Variants in MGAT5 observed in about 807,000 individuals in gnomAD.
MGAT5 encodes alpha-1,6-mannosylglycoprotein 6-beta-N-acetylglucosaminyltransferase A.
Under a neutral mutation model 94.3 loss-of-function variants are expected in MGAT5, and 30 were observed. The observed-to-expected ratio is 0.32, with a 90% CI of 0.24 to 0.43. MGAT5 has a LOEUF of 0.43. MGAT5 is among the 20% of genes least tolerant of loss of function. The pLI is 1.00. For synonymous variants in MGAT5, 310 were observed against 322.9 expected, an observed-to-expected ratio of 0.96 and a Z score of 0.43; for missense variants, 691 against 905.5, an observed-to-expected ratio of 0.76 and a Z score of 3.04.
intron 10 of MGAT5, among the ~76,000 whole-genome samples, chr2:134,372,732 T>A (rs1434827210): frequency 6.6e-6 from 1 of 152,208 alleles, no homozygotes; most frequent in African/African-American, 2.4e-5. Context: ...GTTTTCTTGG[T>A]GCCCCCGCAT....
intron 11 of MGAT5, among the ~76,000 whole-genome samples, chr2:134,410,266 T>C (rs1365135863): frequency 6.6e-6 from 1 of 152,226 alleles, no homozygotes; most frequent in Non-Finnish European, 1.5e-5. Flanking sequence ...CTGTTGTGTT[T>C]TCATTCAAAC....
In MGAT5 at chr2:134,123,983, C is replaced by T. The variant is rs112050706; in HGVS notation, c.-143+3692C>T. ...AAATTAAGTAATGATCTCTCCAACC[C>T]TTAAAGTCTCTAATCTAAGCCATAT... On this transcript the variant is annotated intron_variant, in intron 1 of 16. Transcript: ENST00000409645. Among the ~76,000 whole-genome samples, 612 of 152,286 alleles carry T rather than the reference C, an allele frequency of 4.0e-3. 7 individuals carry two copies. Among genetic ancestry groups the T allele is most frequent in the African/African-American group, 0.014 (580 of 41,542 alleles).
At chr2:134,383,950 A>G (rs577073095) in intron 10 of MGAT5, among the ~76,000 whole-genome samples, 1 of 149,206 alleles carries the variant, frequency 6.7e-6, no homozygotes, top group South Asian at 2.2e-4. Context: ...AAGTGCTGGG[A>G]TTACAGGTGT....
chr2:134,158,260 C>T (rs1218748590), intron 1 of MGAT5, among the ~76,000 whole-genome samples: 1 of 152,234 alleles, frequency 6.6e-6, no homozygotes, highest in Non-Finnish European at 1.5e-5. Context: ...TCTGCCTCCT[C>T]CCAGTGTCCA....
chr2:134,336,863 G>C (rs1361527581), intron 5 of MGAT5, among the ~76,000 whole-genome samples: 1 of 152,170 alleles, frequency 6.6e-6, no homozygotes, highest in Non-Finnish European at 1.5e-5. Context: ...GGGAAGGTAG[G>C]AAGGGGACTG....
chr2:134,330,882 C>A (rs7593385), intron 4 of MGAT5, among the ~76,000 whole-genome samples: 147,279 of 152,220 alleles, frequency 0.97, 71,334 homozygotes, highest in East Asian at 1. Flanking sequence ...AGCCATAACA[C>A]AGACTAATCA....
At chr2:134,385,629 C>G (rs941219765) in intron 10 of MGAT5, among the ~76,000 whole-genome samples, 14 of 152,106 alleles carry the variant, frequency 9.2e-5, no homozygotes, top group Admixed American at 3.3e-4. Flanking sequence ...GTTTTTAATG[C>G]CACCAAAATT....
Position 134,426,834 on chromosome 2 carries a change from G to A in MGAT5, c.1795-1531G>A, listed in dbSNP as rs112197742. 7.9e-3 allele frequency among the ~76,000 whole-genome samples: 1,208 copies of A among 152,236 alleles called. 14 individuals carry two copies. Among genetic ancestry groups the A allele is most frequent in the African/African-American group, 0.028 (1,154 of 41,510 alleles). On this transcript the variant is annotated intron_variant, in intron 13 of 15. Coordinates refer to ENST00000281923, the MANE Select transcript of MGAT5 (RefSeq NM_002410.5). Reference sequence around the variant, plus strand: ...CTGAGAACATGAAAGTCAGTTCTTCGTAGTATTTTGAGCTCTTCAGAGATG... The same window carrying A: ...CTGAGAACATGAAAGTCAGTTCTTCATAGTATTTTGAGCTCTTCAGAGATG...
chr2:134,310,527 A>G (rs565618251), intron 2 of MGAT5, among the ~76,000 whole-genome samples: 6 of 152,258 alleles, frequency 3.9e-5, no homozygotes, highest in African/African-American at 1.2e-4. Context: ...AACAAAAATG[A>G]TATATAAACA....
chr2:134,354,200 G>A (rs141818417), intron 9 of MGAT5, among the ~76,000 whole-genome samples: 1 of 152,294 alleles, frequency 6.6e-6, no homozygotes, highest in African/African-American at 2.4e-5. Flanking sequence ...TATAATTTCT[G>A]TATAAATATG....
At chr2:134,370,785 A>C (rs1680745178) in intron 10 of MGAT5, among the ~76,000 whole-genome samples, 1 of 152,274 alleles carries the variant, frequency 6.6e-6, no homozygotes, top group Non-Finnish European at 1.5e-5. Context: ...TGCAAAGGGA[A>C]ACATCAGAAA....
chr2:134,128,488 A>T (rs1685958989), intron 1 of MGAT5, among the ~76,000 whole-genome samples: 1 of 152,140 alleles, frequency 6.6e-6, no homozygotes, highest in African/African-American at 2.4e-5. Flanking sequence ...CATGATAATG[A>T]GTTGCTTATT....
At chr2:134,120,022 C>G (rs1403526036), upstream of MGAT5, 7 of 152,728 alleles carry the variant, frequency 4.6e-5, no homozygotes, top group East Asian at 1.4e-3. Flanking sequence ...CCGCCCTGGT[C>G]GACTGAGCTC....
rs1236807929 is a variant in MGAT5, at chr2:134,247,376, A to AG, written c.-142-6886_-142-6885insG. Among the ~76,000 whole-genome samples the AG allele has an allele frequency of 3.2e-5, 4 of 126,668 alleles. No homozygotes were observed. The East Asian group carries it at 8.4e-4, about 27-fold the overall frequency. The allele number at this position is 126,668 out of a possible 152,430, so 83.1% of individuals were successfully genotyped here. ...GCCTGAATTAAAAAAAAAAAAAAAC[A>AG]AAAAAAAAACGTAAACTAGACCACT... On this transcript the variant is annotated intron_variant, in intron 1 of 16. Transcript: ENST00000409645.
chr2:134,361,255 A>G (rs1337361228), intron 9 of MGAT5, among the ~76,000 whole-genome samples: 1 of 152,228 alleles, frequency 6.6e-6, no homozygotes, highest in Non-Finnish European at 1.5e-5. Flanking sequence ...TCTTGTGTAT[A>G]TCTCAATCAC....
intron 2 of MGAT5, among the ~76,000 whole-genome samples, chr2:134,299,853 A>G (rs11887041): frequency 0.92 from 139,435 of 152,194 alleles, 64,848 homozygotes; most frequent in East Asian, 1. Flanking sequence ...TCTTCCCTGG[A>G]ACACACAAAC....
chr2:134,258,652 G>A (rs796423720), intron 1 of MGAT5, among the ~76,000 whole-genome samples: 2 of 152,216 alleles, frequency 1.3e-5, no homozygotes, highest in African/African-American at 4.8e-5. Context: ...TCTCTTTCAC[G>A]CCTGTGTTTG....
chr2:134,132,212 C>T (rs958177781), intron 1 of MGAT5, among the ~76,000 whole-genome samples: 1 of 152,216 alleles, frequency 6.6e-6, no homozygotes, highest in Non-Finnish European at 1.5e-5. Context: ...AGTTCAAGAA[C>T]TTGGCCATTG....
chr2:134,243,749 A>G (rs1682089928), intron 1 of MGAT5, among the ~76,000 whole-genome samples: 1 of 152,146 alleles, frequency 6.6e-6, no homozygotes, highest in Non-Finnish European at 1.5e-5. Flanking sequence ...TTTTAACCAA[A>G]TCAGATTTGG....
Sources: allele counts gnomAD v4.1 joint callset (sites outside exome capture counted in the v4.1 genomes callset), GRCh38; gene constraint gnomAD v4.1.1; transcripts MANE v1.5; gene names NCBI Gene and HGNC (gene_info 2026-07-23, HGNC 2026-07-21).